Variants in CTU1 observed in about 807,000 individuals in gnomAD.
CTU1 encodes cytoplasmic tRNA 2-thiolation protein 1.
In CTU1, 15 loss-of-function variants were observed where a neutral mutation model predicts 12.9. The ratio of observed to expected loss-of-function variants is 1.16; its 90% CI spans 0.78 to 1.79. The LOEUF (loss-of-function observed/expected upper bound fraction) is 1.79, where lower values mean the gene tolerates loss of function less well. CTU1 is among the 40% of genes most tolerant of loss of function. CTU1 has a pLI of 0.00. For synonymous variants in CTU1, 295 were observed against 275.6 expected (o/e 1.07, Z -0.70); for missense variants, 553 against 550.5 (o/e 1.00, Z -0.05).
At position 51,100,934 on chromosome 19, in the gene CTU1, C is replaced by CGTGTGT. The variant is rs71185800; in HGVS notation, c.509-1801_509-1796dup. Among the ~76,000 whole-genome samples, 928 of 145,516 alleles carry CGTGTGT rather than the reference C, an allele frequency of 6.4e-3. 8 individuals carry two copies. Among genetic ancestry groups the CGTGTGT allele is most frequent in the African/African-American group, 0.013 (493 of 38,996 alleles). ...TTTTTTTTCATTTTGTTTTATTGTG[C>CGTGTGT]GTGTGTGTGTGTGTGTGTGTGTGTG... On this transcript the variant is annotated intron_variant, in intron 2 of 2. Transcript: ENST00000421832.
chr19:51,101,411 C>T (rs2091906874), intron 2 of CTU1, among the ~76,000 whole-genome samples: 1 of 152,138 alleles, frequency 6.6e-6, no homozygotes, highest in African/African-American at 2.4e-5. Flanking sequence ...CTCCTTCCCT[C>T]CCCCAGAGAC....
intron 2 of CTU1, among the ~76,000 whole-genome samples, chr19:51,100,930 TGTGC>T (rs2091905892): frequency 3.0e-5 from 3 of 99,184 alleles, no homozygotes; most frequent in South Asian, 2.7e-4. Flanking sequence ...TTTGTTTTAT[TGTGC>T]GTGTGTGTGT....
Position 51,098,624 on chromosome 19 carries a change from A to C in CTU1, c.1024T>G (p.Ser342Ala). ...CGCTAGAAGGTGGGGACGGCCTTGG[A>C]GGCGGGGGGCCGGGCCGGATCCCCG... The part of the protein sequence containing the change: ...TPGDPARPPA[S>A]KAVPTF Residue 342 changes from serine (S) to alanine (A), a missense_variant, in exon 3 of 3, where the codon TCC becomes GCC. Ser to Ala is a moderately conservative substitution (Grantham distance 99, BLOSUM62 1). Around this residue, in one of 2 missense-constraint regions of CTU1, gnomAD observed 53 missense variants for 92.0 expected, o/e 0.58. Coordinates refer to ENST00000421832, the MANE Select transcript of CTU1 (RefSeq NM_145232.4). This position sits in a 1 kb window ranked among gnomAD's most constrained non-coding sequence, Gnocchi z 4.3. 1 of 1,307,960 alleles carries C rather than the reference A, an allele frequency of 7.6e-7. No homozygotes were observed. The highest frequency in any genetic ancestry group is 3.2e-5 in the East Asian group (1 of 31,744). 81.0% of individuals were successfully genotyped at this position (1,307,960 alleles called of 1,614,324 possible). A position where few individuals can be genotyped will look rare whatever the true frequency, so the allele number is the denominator to read the frequency against.
chr19:51,103,998 C>T (rs1401233266), intron 2 of CTU1, 64 bp downstream of exon 2: 2 of 1,367,674 alleles, frequency 1.5e-6, no homozygotes, highest in Non-Finnish European at 1.9e-6. Context: ...GGTCCCGCCT[C>T]CTCGCCTGTG....
Position 51,104,297 on chromosome 19 carries a change from G to T in CTU1, c.273C>A (p.Ile91=). The T allele has an allele frequency of 1.3e-6, 2 of 1,497,354 alleles. No individual in the cohort carries two copies. Among genetic ancestry groups the T allele is most frequent in the Non-Finnish European group, 1.8e-6 (2 of 1,128,040 alleles). The allele number at this position is 1,497,354 out of a possible 1,614,324, so 92.8% of individuals were successfully genotyped here. ...CCAACGCCGCGTCCCGGTAGCCACC[G>T]ATGCCCTCATCGACGGCCACGAGCT... The part of the protein sequence containing the change: ...SLQLVAVDEG[I]GGYRDAALAA... The change falls in exon 2 of 3, where the codon ATC becomes ATA. Residue 91 remains isoleucine, a synonymous_variant. Transcript: ENST00000421832.
Position 51,103,898 on chromosome 19 carries a change from G to A in CTU1, c.508+164C>T, listed in dbSNP as rs958250051. ...GCCCCAGCCCCAAACTGCAGCATGC[G>A]CCCTTCCGCACCTCCGTACAGGGAT... is the stretch of plus-strand genomic sequence containing the variant. On this transcript the variant is annotated intron_variant, in intron 2 of 2. Coordinates refer to ENST00000421832, the MANE Select transcript of CTU1 (RefSeq NM_145232.4). Among the ~76,000 whole-genome samples the A allele has an allele frequency of 6.6e-5, 10 of 152,250 alleles. No homozygotes were observed. The Middle Eastern group carries it at 0.01, about 155-fold the overall frequency.
intron 2 of CTU1, 124 bp downstream of exon 2, chr19:51,103,938 A>C: frequency 9.6e-7 from 1 of 1,041,922 alleles, no homozygotes; most frequent in East Asian, 3.2e-5. Flanking sequence ...CCATTAAGCC[A>C]CCAGGGTCTC....
rs368793980 is a variant in CTU1, at chr19:51,098,976, G to A, written c.672C>T (p.Tyr224=). 2 of 1,544,028 alleles carry A rather than the reference G, an allele frequency of 1.3e-6. No homozygotes were observed. The highest frequency in any genetic ancestry group is 1.7e-6 in the Non-Finnish European group (2 of 1,151,068). Residue 224 remains tyrosine (Y), a synonymous_variant, in exon 3 of 3, where the codon TAC becomes TAT. Transcript: ENST00000421832. The surrounding 1 kb of genome is among the most constrained non-coding windows in gnomAD (Gnocchi z 4.3). ...AGTAGTCGAGGCGGCGGAAGTGCGC[G>A]TACAGCACCACCTCCTTCTGCGAGG... ...QFASQKEVVL[Y]AHFRRLDYFS...
chr19:51,099,252 G>T, intron 2 of CTU1, 113 bp from the exon 3 acceptor site: 1 of 895,878 alleles, frequency 1.1e-6, no homozygotes, highest in Non-Finnish European at 1.6e-6. Context: ...TGGGAGGAGA[G>T]ACCCACGGAG....
intron 2 of CTU1, among the ~76,000 whole-genome samples, chr19:51,100,860 T>A (rs1019675457): frequency 6.6e-6 from 1 of 152,140 alleles, no homozygotes; most frequent in African/African-American, 2.4e-5. Context: ...AACAACTGGT[T>A]CTTGACACAG....
rs2091913998 is a variant in CTU1 at position 51,104,197 on chromosome 19, A to G, written c.373T>C (p.Trp125Arg). The change falls in exon 2 of 3, where the codon TGG becomes CGG. Residue 125 changes from tryptophan to arginine, a missense_variant. This residue lies in a region of CTU1 where 500 missense variants were observed against 458.5 expected (regional missense o/e 1.09). Transcript: ENST00000421832. The stretch of plus-strand genomic sequence containing the variant: ...CTGCGGGCCACGGCGTCCATCGTCC[A>G]GCCCCCAAAGAGGTCTTCGTAGGCC... ...VVAYEDLFGGWTMDAVARSTA... is the reference protein window; with the variant it reads ...VVAYEDLFGGRTMDAVARSTA... 3 of 1,522,562 alleles carry G rather than the reference A, an allele frequency of 2.0e-6. No individual in the cohort carries two copies. The highest frequency in any genetic ancestry group is 1.8e-6 in the Non-Finnish European group (2 of 1,141,054). 94.3% of individuals were successfully genotyped at this position (1,522,562 alleles called of 1,614,324 possible).
In CTU1 at chr19:51,104,555, C is replaced by T. The variant is rs2091915605; in HGVS notation, c.15G>A (p.Pro5=). Residue 5 remains proline (P), a synonymous_variant, in exon 2 of 3, where the codon CCG becomes CCA. Coordinates refer to ENST00000421832, the MANE Select transcript of CTU1 (RefSeq NM_145232.4). MPAP[P]CASCHAARAA... ...CGCGTGCAGCATGGCAGGAGGCGCA[C>T]GGCGGGGCGGGCATTGCGGGAGGGG... 4 of 1,253,272 alleles carry T rather than the reference C, an allele frequency of 3.2e-6. No homozygotes were observed. The highest frequency in any genetic ancestry group is 3.1e-5 in the South Asian group (1 of 32,244). The allele number at this position is 1,253,272 out of a possible 1,614,324, so 77.6% of individuals were successfully genotyped here. A position where few individuals can be genotyped will look rare whatever the true frequency, so the allele number is the denominator to read the frequency against.
At chr19:51,106,672 A>ATTTTTTTTTTTTTTTTTTT (rs56150506) in intron 1 of CTU1, among the ~76,000 whole-genome samples, 1 of 136,236 alleles carries the variant, frequency 7.3e-6, no homozygotes, top group Non-Finnish European at 1.6e-5. Context: ...TGCCTGGCTA[A>ATTTTTTTTTTTTTTTTTTT]TTTTTTTTTT....
At chr19:51,106,310 G>C (rs2091920491) in intron 1 of CTU1, among the ~76,000 whole-genome samples, 1 of 152,202 alleles carries the variant, frequency 6.6e-6, no homozygotes, top group Non-Finnish European at 1.5e-5. Context: ...GCAGCCCTTA[G>C]GACTCATCTG....
In CTU1 at chr19:51,098,404, A is replaced by G. The variant is rs1432355976; in HGVS notation, c.*197T>C. On this transcript the variant is annotated 3_prime_UTR_variant, in exon 3 of 3. Transcript: ENST00000421832. This position sits in a 1 kb window ranked among gnomAD's most constrained non-coding sequence, Gnocchi z 4.3. ...AGCCCCCTCCTCCCTCAGAGCCTGA[A>G]GCCCAGTTCGAGACCCTTCTTCCCT... The G allele has an allele frequency of 1.4e-5, 6 of 423,508 alleles. No homozygotes were observed. Among genetic ancestry groups the G allele is most frequent in the African/African-American group, 6.2e-5 (3 of 48,086 alleles). 26.2% of individuals were successfully genotyped at this position (423,508 alleles called of 1,614,324 possible).
chr19:51,102,830 T>C (rs2091910340), intron 2 of CTU1, among the ~76,000 whole-genome samples: 1 of 114,116 alleles, frequency 8.8e-6, no homozygotes, highest in African/African-American at 4.3e-5. Context: ...TCCCTAATTC[T>C]TACCCGCTTT....
chr19:51,107,885 A>G (rs2091924286), intron 1 of CTU1, among the ~76,000 whole-genome samples: 2 of 152,130 alleles, frequency 1.3e-5, no homozygotes, highest in African/African-American at 4.8e-5. Flanking sequence ...ACTAGCTGTC[A>G]CTGGTGACAG....
rs138333553 is a variant in CTU1 at position 51,104,038 on chromosome 19, C to T, written c.508+24G>A. On this transcript the variant is annotated intron_variant, in intron 2 of 2. Transcript: ENST00000421832. ...CGCCCCACTGCCTCGGAGAGTGCCG[C>T]TCTGCGGCCCGTACTACGCTCACCT... 7 of 1,426,606 alleles carry T rather than the reference C, an allele frequency of 4.9e-6. No homozygotes were observed. The African/African-American group carries it at 9.0e-5, about 18-fold the overall frequency. 88.4% of individuals were successfully genotyped at this position (1,426,606 alleles called of 1,614,324 possible).
chr19:51,105,872 A>G (rs1171476067), intron 1 of CTU1, among the ~76,000 whole-genome samples: 1 of 152,196 alleles, frequency 6.6e-6, no homozygotes, highest in African/African-American at 2.4e-5. Flanking sequence ...GGACCTTTTC[A>G]AACTCCAGGT....
Sources: gnomAD v4.1 joint callset for allele counts (sites outside exome capture counted in the v4.1 genomes callset) on GRCh38, gnomAD v4.1.1 for gene constraint, gnomAD v4.1.1 regional missense constraint, Gnocchi (gnomAD v3.1) non-coding constraint, MANE v1.5 for transcripts, NCBI Gene and HGNC (gene_info 2026-07-23, HGNC 2026-07-21) for gene names.